The following SLC16A1 variants were observed in gnomAD, a reference collection of about 807,000 sequenced individuals.
The protein encoded by SLC16A1 is monocarboxylate transporter 1.
Under a neutral mutation model 32.2 loss-of-function variants are expected in SLC16A1, and 11 were observed. That is an observed-to-expected ratio of 0.34 (90% CI 0.21 to 0.56). The LOEUF is 0.56. Ranked by LOEUF, SLC16A1 falls within the 20% of genes least tolerant of loss-of-function variation. The pLI is 0.87. For synonymous variants in SLC16A1, 231 were observed against 226.8 expected (o/e 1.02, Z -0.17); for missense variants, 435 against 615.0 (o/e 0.71, Z 3.10).
intron 1 of SLC16A1, among the ~76,000 whole-genome samples, chr1:112,932,282 T>G (rs191797116): frequency 5.1e-4 from 77 of 151,962 alleles, no homozygotes; most frequent in African/African-American, 1.8e-3. Flanking sequence ...CACTTATAAT[T>G]CCAATGCTTT....
At chr1:112,945,884 A>G (rs1165309787) in intron 1 of SLC16A1, among the ~76,000 whole-genome samples, 1 of 150,774 alleles carries the variant, frequency 6.6e-6, no homozygotes, top group Non-Finnish European at 1.5e-5. Context: ...CTCAGCTACT[A>G]GGGAAGCTGA....
At chr1:112,948,742 T>A (rs6663872) in intron 1 of SLC16A1, among the ~76,000 whole-genome samples, 99,247 of 151,874 alleles carry the variant, frequency 0.65, 33,756 homozygotes, top group African/African-American at 0.86. Flanking sequence ...ACCTCAGGTG[T>A]TCTGCCTGCC....
At chr1:112,919,678 A>G (rs1648648360) in intron 3 of SLC16A1, among the ~76,000 whole-genome samples, 2 of 152,240 alleles carry the variant, frequency 1.3e-5, no homozygotes, top group Admixed American at 1.3e-4. Context: ...TATTCAATAA[A>G]TAGTGCTAGC....
intron 4 of SLC16A1, 135 bp from the exon 5 acceptor site, chr1:112,914,300 A>C: frequency 1.1e-6 from 1 of 909,478 alleles, no homozygotes; most frequent in Non-Finnish European, 1.7e-6. Context: ...GAATTAGTAT[A>C]AGGAATTGCT....
intron 3 of SLC16A1, among the ~76,000 whole-genome samples, chr1:112,921,556 T>C (rs1355801209): frequency 6.6e-6 from 1 of 152,222 alleles, no homozygotes; most frequent in Non-Finnish European, 1.5e-5. Context: ...TGTGAGGTTA[T>C]GGGTAACTTT....
In SLC16A1 at chr1:112,917,734, T is replaced by C; in HGVS notation, c.672A>G (p.Lys224=). The change falls in exon 4 of 5, where the codon AAA becomes AAG. Residue 224 remains lysine (K), a synonymous_variant. Coordinates refer to ENST00000369626, the MANE Select transcript of SLC16A1 (RefSeq NM_003051.4). This position sits in a 1 kb window ranked among gnomAD's most constrained non-coding sequence, Gnocchi z 4.1. ...GATCTGTATTTGCATCATGCAGATC[T>C]TTTTTCACACCAGATTTTCCAGCTT... ...LEKAGKSGVK[K]DLHDANTDLI... is the part of the protein sequence containing the mutation. The C allele has an allele frequency of 1.2e-6, 2 of 1,614,236 alleles. No individual in the cohort carries two copies. The highest frequency in any genetic ancestry group is 1.7e-6 in the Non-Finnish European group (2 of 1,180,040).
intron 2 of SLC16A1, among the ~76,000 whole-genome samples, chr1:112,926,980 A>C (rs1465644633): frequency 6.6e-6 from 1 of 151,528 alleles, no homozygotes; most frequent in Non-Finnish European, 1.5e-5. Flanking sequence ...ACAAAAATAA[A>C]AAATTAGCTG....
At chr1:112,942,809 A>T (rs1368498420) in intron 1 of SLC16A1, among the ~76,000 whole-genome samples, 1 of 152,190 alleles carries the variant, frequency 6.6e-6, no homozygotes, top group Non-Finnish European at 1.5e-5. Flanking sequence ...TGTGACCCCA[A>T]TCCTAATCCT....
chr1:112,919,406 TA>T (rs774470206), intron 3 of SLC16A1, among the ~76,000 whole-genome samples: 219 of 152,332 alleles, frequency 1.4e-3, no homozygotes, highest in Non-Finnish European at 2.3e-3. Flanking sequence ...TAAATGATTC[TA>T]AAGGATACTT....
rs2101615947 is a variant in SLC16A1 at position 112,911,996 on chromosome 1, A to C, written c.*1895T>G. ...GGGTCCAAAGAAAATTACAGAGTCC[A>C]AACTGAGGCCAAGCCTGCCAATACT... On this transcript the variant is annotated 3_prime_UTR_variant, in exon 5 of 5. Transcript: ENST00000369626. 1 of 152,382 alleles carries C rather than the reference A, an allele frequency of 6.6e-6. No homozygotes were observed. The highest frequency in any genetic ancestry group is 1.5e-5 in the Non-Finnish European group (1 of 68,046). 9.4% of individuals were successfully genotyped at this position (152,382 alleles called of 1,614,324 possible).
chr1:112,950,080 T>C (rs528041963), intron 1 of SLC16A1, among the ~76,000 whole-genome samples: 1 of 152,344 alleles, frequency 6.6e-6, no homozygotes, highest in African/African-American at 2.4e-5. Flanking sequence ...AATACAACTA[T>C]GGTTTGTTGC....
intron 2 of SLC16A1, among the ~76,000 whole-genome samples, chr1:112,923,136 A>G (rs1648797217): frequency 6.6e-6 from 1 of 151,960 alleles, no homozygotes; most frequent in African/African-American, 2.4e-5. Context: ...CCTGACCGAC[A>G]TGGAGAAACC....
At chr1:112,920,034 T>C (rs111937080) in intron 3 of SLC16A1, among the ~76,000 whole-genome samples, 2,101 of 152,342 alleles carry the variant, frequency 0.014, 19 homozygotes, top group Middle Eastern at 0.024. Flanking sequence ...AAATGGTTCC[T>C]AACACACATA....
At chr1:112,920,793 T>C (rs1243473374) in intron 3 of SLC16A1, among the ~76,000 whole-genome samples, 4 of 151,974 alleles carry the variant, frequency 2.6e-5, no homozygotes, top group Admixed American at 1.3e-4. Context: ...ATATGTTTAA[T>C]AAGGGAAAAA....
chr1:112,924,541 G>T (rs569151354), intron 2 of SLC16A1, among the ~76,000 whole-genome samples: 13 of 151,976 alleles, frequency 8.6e-5, no homozygotes, highest in South Asian at 6.2e-4. Context: ...TGCTATAAAA[G>T]AATACCTGAG....
chr1:112,939,194 G>C (rs772291496), intron 1 of SLC16A1, among the ~76,000 whole-genome samples: 1 of 151,998 alleles, frequency 6.6e-6, no homozygotes, highest in Non-Finnish European at 1.5e-5. Flanking sequence ...CCCGGCCAAC[G>C]TATTTCTTTT....
At chr1:112,919,603 G>C (rs1648644964) in intron 3 of SLC16A1, among the ~76,000 whole-genome samples, 1 of 152,170 alleles carries the variant, frequency 6.6e-6, no homozygotes. Flanking sequence ...TCCAGGAACA[G>C]AGTTGAAATA....
intron 1 of SLC16A1, among the ~76,000 whole-genome samples, chr1:112,944,614 T>G (rs550576540): frequency 2.4e-4 from 36 of 152,388 alleles, no homozygotes; most frequent in African/African-American, 7.7e-4. Context: ...GACTTCCTTT[T>G]ATGATAGTCA....
chr1:112,946,361 T>G (rs977163128), intron 1 of SLC16A1, among the ~76,000 whole-genome samples: 1 of 147,298 alleles, frequency 6.8e-6, no homozygotes, highest in African/African-American at 2.5e-5. Flanking sequence ...CCACTTGAGT[T>G]AAAAAAAAAA....
Sources: allele counts gnomAD v4.1 joint callset (sites outside exome capture counted in the v4.1 genomes callset), GRCh38; gene constraint gnomAD v4.1.1; non-coding constraint Gnocchi (gnomAD v3.1); transcripts MANE v1.5; gene names NCBI Gene and HGNC (gene_info 2026-07-23, HGNC 2026-07-21).